Variants in GPR143 observed in about 807,000 individuals in gnomAD.
GPR143 encodes G protein-coupled receptor 143.
Under a neutral mutation model 27.6 loss-of-function variants are expected in GPR143, and 8 were observed. The ratio of observed to expected loss-of-function variants is 0.29; its 90% confidence interval spans 0.17 to 0.52. The LOEUF (loss-of-function observed/expected upper bound fraction) is 0.52. Among genes scored for constraint, GPR143 ranks in the 20% least tolerant of loss-of-function variants. The probability of loss-of-function intolerance (pLI) is 0.96; values close to 1 mark genes in which losing one functional copy is unlikely to be tolerated. For synonymous variants in GPR143, 156 were observed against 153.2 expected, an observed-to-expected ratio of 1.02 and a Z score of -0.13; for missense variants, 303 against 343.1, an observed-to-expected ratio of 0.88 and a Z score of 0.92.
chrX:9,733,920 A>AAAT (rs1441116384), intron 8 of GPR143, among the ~76,000 whole-genome samples: 4 of 110,371 alleles, frequency 3.6e-5, no homozygotes, highest in Non-Finnish European at 7.6e-5. Context: ...TCTCTACTAA[A>AAAT]AATACAAAAA....
At chrX:9,769,846 T>C (rs2083547193), upstream of GPR143, among the ~76,000 whole-genome samples, 2 of 111,096 alleles carry the variant, frequency 1.8e-5, no homozygotes, top group African/African-American at 6.5e-5. Context: ...CCTCCCAAAG[T>C]GCGGGGATTG....
Position 9,764,504 on chromosome X carries a change from G to GCGCACA in GPR143, c.250+1063_250+1064insTGTGCG, listed in dbSNP as rs1489075823. 5.0e-5 allele frequency among the ~76,000 whole-genome samples: 5 copies of GCGCACA among 99,094 alleles called. No individual in the cohort carries two copies. The East Asian group carries it at 1.0e-3, about 20-fold the overall frequency. 86.1% of individuals were successfully genotyped at this position (99,094 alleles called of 115,157 possible). ...ACAATAGAAAAGAATTTACACACGC[G>GCGCACA]CACACACACACACACACACACACAC... On this transcript the variant is annotated intron_variant, in intron 1 of 8. Transcript: ENST00000467482.
chrX:9,745,673 C>T (rs1233306265), intron 5 of GPR143, among the ~76,000 whole-genome samples: 1 of 112,145 alleles, frequency 8.9e-6, no homozygotes, highest in Non-Finnish European at 1.9e-5. Flanking sequence ...GGGGCTGGAG[C>T]CGCCTCAGTA....
At chrX:9,738,597 A>C (rs6654731) in intron 8 of GPR143, 53,236 of 523,673 alleles carry the variant, frequency 0.1, 8,225 homozygotes, top group African/African-American at 0.72. Flanking sequence ...TGAAAGTGAA[A>C]CTTCCTTCAA....
intron 3 of GPR143, among the ~76,000 whole-genome samples, chrX:9,758,731 A>T (rs2083482965): frequency 9.0e-6 from 1 of 110,810 alleles, no homozygotes; most frequent in Admixed American, 9.6e-5. Context: ...CAAAAATAAT[A>T]AAATTAGCCA....
chrX:9,735,270 A>C (rs2083374354), intron 8 of GPR143, among the ~76,000 whole-genome samples: 1 of 112,006 alleles, frequency 8.9e-6, no homozygotes, highest in African/African-American at 3.2e-5. Context: ...CACCGGATAA[A>C]GCCCAAACGC....
At chrX:9,775,788 T>C (rs2083569203) in intron 1 of GPR143, among the ~76,000 whole-genome samples, 1 of 112,242 alleles carries the variant, frequency 8.9e-6, no homozygotes, top group Admixed American at 9.5e-5. Flanking sequence ...TGGCCGAATT[T>C]GATGCTAAGT....
At chrX:9,753,683 C>G (rs767045765) in intron 3 of GPR143, among the ~76,000 whole-genome samples, 1 of 111,386 alleles carries the variant, frequency 9.0e-6, no homozygotes, top group South Asian at 3.8e-4. Flanking sequence ...AGCCCCCCAG[C>G]GAGAGAGGCC....
chrX:9,734,870 G>A (rs1401405740), intron 8 of GPR143, among the ~76,000 whole-genome samples: 2 of 112,148 alleles, frequency 1.8e-5, no homozygotes, highest in South Asian at 3.7e-4. Context: ...GAGGGAAACC[G>A]GGAGGTACCA....
intron 5 of GPR143, among the ~76,000 whole-genome samples, chrX:9,745,081 G>A (rs1477527228): frequency 9.0e-6 from 1 of 111,461 alleles, no homozygotes. Context: ...GTGAAACCCC[G>A]TCTCTACTAA....
intron 8 of GPR143, chrX:9,738,523 T>C: frequency 1.3e-6 from 1 of 747,663 alleles, no homozygotes; most frequent in African/African-American, 2.3e-5. Flanking sequence ...TACGGTATCA[T>C]GGAATCAATT....
In GPR143 at chrX:9,725,423, C is replaced by CTAT. The variant is rs2083320746; in HGVS notation, c.*320_*322dup. On this transcript the variant is annotated 3_prime_UTR_variant, in exon 9 of 9. Coordinates refer to ENST00000467482, the MANE Select transcript of GPR143 (RefSeq NM_000273.3). ...AGTCAGGCTGAGAGCTCAGTCATAA[C>CTAT]TATTTTATTTAACTACTTCCCCAAG... The CTAT allele has an allele frequency of 4.3e-6, 1 of 232,553 alleles. No homozygotes were observed. The highest frequency in any genetic ancestry group is 2.8e-5 in the African/African-American group (1 of 35,332). The allele number at this position is 232,553 out of a possible 1,213,427, so 19.2% of individuals were successfully genotyped here.
In GPR143 at chrX:9,759,435, G is replaced by A. The variant is rs746567246; in HGVS notation, c.361-9C>T. On this transcript the variant is annotated splice_polypyrimidine_tract_variant and intron_variant, in intron 2 of 8. Coordinates refer to ENST00000467482, the MANE Select transcript of GPR143 (RefSeq NM_000273.3). Reference sequence around the variant, plus strand: ...AACAGCTGGATCCACATCTGCAATCGGGAAGAGCCTGCATCAAAATGTCTG... The same window carrying A: ...AACAGCTGGATCCACATCTGCAATCAGGAAGAGCCTGCATCAAAATGTCTG... 13 of 1,132,876 alleles carry A rather than the reference G, an allele frequency of 1.1e-5. No individual in the cohort carries two copies. Among genetic ancestry groups the A allele is most frequent in the Middle Eastern group, 2.4e-4 (1 of 4,214 alleles). 93.4% of individuals were successfully genotyped at this position (1,132,876 alleles called of 1,213,427 possible).
intron 3 of GPR143, among the ~76,000 whole-genome samples, chrX:9,757,076 G>A (rs955567798): frequency 1.8e-5 from 2 of 112,681 alleles, no homozygotes; most frequent in Non-Finnish European, 3.7e-5. Context: ...GCAATGAAAA[G>A]GGGTTGTTTT....
intron 5 of GPR143, among the ~76,000 whole-genome samples, 195 bp downstream of exon 5, chrX:9,745,849 C>T (rs746815102): frequency 9.3e-4 from 104 of 112,269 alleles, no homozygotes; most frequent in Non-Finnish European, 1.8e-3. Context: ...AGAACTTGTG[C>T]GGGCAGAGGC....
intron 2 of GPR143, among the ~76,000 whole-genome samples, chrX:9,760,037 G>A (rs1025495578): frequency 1.8e-5 from 2 of 111,888 alleles, no homozygotes; most frequent in Non-Finnish European, 3.8e-5. Context: ...GTGTGTCTGT[G>A]TATATATGAT....
intron 8 of GPR143, among the ~76,000 whole-genome samples, chrX:9,728,203 A>G (rs2083336971): frequency 9.0e-6 from 1 of 111,118 alleles, no homozygotes; most frequent in Non-Finnish European, 1.9e-5. Context: ...AATGCCCCAG[A>G]CAACACCTGG....
At chrX:9,727,840 C>T (rs2083335147) in intron 8 of GPR143, among the ~76,000 whole-genome samples, 1 of 112,389 alleles carries the variant, frequency 8.9e-6, no homozygotes, top group Non-Finnish European at 1.9e-5. Flanking sequence ...ACTCTGTGTT[C>T]CTCTCAGCTC....
chrX:9,750,090 A>G (rs2146692789), intron 3 of GPR143, among the ~76,000 whole-genome samples: 1 of 111,533 alleles, frequency 9.0e-6, no homozygotes, highest in East Asian at 2.9e-4. Context: ...CTGACTGAAT[A>G]CCATTCCATT....
Sources: gnomAD v4.1 joint callset for allele counts (sites outside exome capture counted in the v4.1 genomes callset) on GRCh38, gnomAD v4.1.1 for gene constraint, MANE v1.5 for transcripts, NCBI Gene and HGNC (gene_info 2026-07-23, HGNC 2026-07-21) for gene names.